The following KIAA1671 variants were observed in gnomAD, a reference collection of about 807,000 sequenced individuals.
KIAA1671 encodes the protein KIAA1671.
A neutral mutation model predicts 131.2 loss-of-function variants in KIAA1671; 52 were observed. The ratio of observed to expected loss-of-function variants is 0.40; its 90% confidence interval spans 0.32 to 0.50. KIAA1671 has a LOEUF of 0.50. KIAA1671 is among the 20% of genes least tolerant of loss of function. The pLI is 0.73. For missense variants in KIAA1671, 2,360 were observed against 2,364.2 expected (o/e 1.00, Z 0.04); for synonymous variants, 1,003 against 961.6 (o/e 1.04, Z -0.80).
intron 6 of KIAA1671, among the ~76,000 whole-genome samples, chr22:25,165,602 CAATTT>C (rs1933618284): frequency 6.6e-6 from 1 of 152,118 alleles, no homozygotes. Context: ...TAGTTAATGT[CAATTT>C]AAATTAAATT....
chr22:25,124,691 T>A (rs922977627), intron 6 of KIAA1671, among the ~76,000 whole-genome samples: 1 of 152,336 alleles, frequency 6.6e-6, no homozygotes, highest in South Asian at 2.1e-4. Context: ...ACAACCTTGA[T>A]ACATTAGTCA....
chr22:25,107,618 G>A (rs1416607278), intron 6 of KIAA1671, among the ~76,000 whole-genome samples: 1 of 151,686 alleles, frequency 6.6e-6, no homozygotes, highest in African/African-American at 2.4e-5. Context: ...GGACTACAGG[G>A]TTCAAACAAT....
At chr22:25,042,183 C>T (rs969166166) in intron 5 of KIAA1671, among the ~76,000 whole-genome samples, 1 of 152,188 alleles carries the variant, frequency 6.6e-6, no homozygotes, top group Non-Finnish European at 1.5e-5. Flanking sequence ...TGCTGTTCAG[C>T]CCAAACAAGA....
chr22:24,975,983 C>A (rs1367011591), intron 1 of KIAA1671, among the ~76,000 whole-genome samples: 2 of 152,252 alleles, frequency 1.3e-5, no homozygotes, highest in Non-Finnish European at 2.9e-5. Context: ...GCGTGGGCTT[C>A]CCGTGTGGCT....
At chr22:25,012,714 A>G (rs1925103675) in intron 1 of KIAA1671, 1 of 152,220 alleles carries the variant, frequency 6.6e-6, no homozygotes, top group South Asian at 2.1e-4. Context: ...ATCAGCTGCT[A>G]CTACAACAGC....
chr22:25,161,280 T>C lies in KIAA1671; in HGVS notation c.4531-9540T>C, dbSNP rs1179796770. Among the ~76,000 whole-genome samples the C allele has an allele frequency of 3.9e-5, 6 of 152,338 alleles. No homozygotes were observed. The East Asian group carries it at 9.7e-4, about 25-fold the overall frequency. On this transcript the variant is annotated intron_variant, in intron 6 of 12. Coordinates refer to ENST00000358431, the MANE Select transcript of KIAA1671 (RefSeq NM_001145206.2). ...GGAGGGACACACATTCAACGAGTCA[T>C]ACAAATAGTTTCAGTACCACCAACT...
At chr22:24,998,983 A>C (rs1284742989) in intron 1 of KIAA1671, among the ~76,000 whole-genome samples, 1 of 152,086 alleles carries the variant, frequency 6.6e-6, no homozygotes, top group Non-Finnish European at 1.5e-5. Context: ...TTCATATATA[A>C]ATTTTTCATG....
chr22:25,049,279 G>A lies in KIAA1671; in HGVS notation c.4445G>A (p.Arg1482Gln), dbSNP rs1007472849. The change falls in exon 6 of 13, where the codon CGA becomes CAA. Residue 1482 changes from arginine (R) to glutamine (Q), a missense_variant. Physicochemically the swap from Arg to Gln is conservative, Grantham distance 43 (BLOSUM62 1). Transcript: ENST00000358431. ...GAGGATGCCCCCCAGGAGAAGGAGC[G>A]ACCGCTCCAGCAGGTGTCCCCTGTG... The part of the protein sequence containing the change: ...EKEDAPQEKE[R>Q]PLQQVSPVAS... 4.5e-6 allele frequency: 7 copies of A among 1,551,798 alleles called. No individual in the cohort carries two copies. The highest frequency in any genetic ancestry group is 2.4e-5 in the East Asian group (1 of 40,926).
intron 1 of KIAA1671, among the ~76,000 whole-genome samples, chr22:24,982,743 G>A (rs1462317613): frequency 6.6e-6 from 1 of 152,228 alleles, no homozygotes; most frequent in Non-Finnish European, 1.5e-5. Context: ...CAAGGTCGTG[G>A]TGTTGGCTGG....
chr22:25,150,441 T>C (rs1932995841), intron 6 of KIAA1671, among the ~76,000 whole-genome samples: 1 of 152,154 alleles, frequency 6.6e-6, no homozygotes, highest in Non-Finnish European at 1.5e-5. Flanking sequence ...TCTGAGCCCT[T>C]TCCCTGTGCT....
chr22:25,136,304 T>C (rs1324695512), intron 6 of KIAA1671, among the ~76,000 whole-genome samples: 1 of 152,200 alleles, frequency 6.6e-6, no homozygotes, highest in Non-Finnish European at 1.5e-5. Context: ...GCTTTTCAGA[T>C]GAAGAAATCA....
At chr22:25,110,983 G>C (rs926917720) in intron 6 of KIAA1671, 2 of 152,460 alleles carry the variant, frequency 1.3e-5, no homozygotes, top group Non-Finnish European at 2.9e-5. Context: ...CTTCCAGAGA[G>C]GGAGGGAGAG....
chr22:25,164,982 T>C (rs1601373838), intron 6 of KIAA1671, among the ~76,000 whole-genome samples: 1 of 87,408 alleles, frequency 1.1e-5, no homozygotes, highest in Admixed American at 1.0e-4. Context: ...TGCAGGCGTG[T>C]GTGTGTGTGT....
chr22:25,011,502 G>T (rs2123877030), intron 1 of KIAA1671: 1 of 152,044 alleles, frequency 6.6e-6, no homozygotes, highest in East Asian at 1.9e-4. Context: ...GACCAGGTTG[G>T]TCTGGAAACC....
chr22:25,143,552 C>T (rs1047190921), intron 6 of KIAA1671, among the ~76,000 whole-genome samples: 2 of 152,292 alleles, frequency 1.3e-5, no homozygotes, highest in Non-Finnish European at 1.5e-5. Flanking sequence ...TTGTCATGGG[C>T]TGTGAAATGT....
At chr22:25,006,188 T>C (rs970121747) in intron 1 of KIAA1671, among the ~76,000 whole-genome samples, 1 of 152,024 alleles carries the variant, frequency 6.6e-6, no homozygotes, top group Non-Finnish European at 1.5e-5. Flanking sequence ...CCCGCCACCA[T>C]GCCTGGCTAG....
intron 7 of KIAA1671, 139 bp from the exon 8 acceptor site, chr22:25,174,101 T>C (rs748457113): frequency 1.3e-4 from 124 of 951,794 alleles, no homozygotes; most frequent in Admixed American, 2.3e-4. Context: ...GAGGGTCTTC[T>C]GCTGGGATGT....
chr22:24,956,798 C>A (rs545847891), intron 1 of KIAA1671, among the ~76,000 whole-genome samples: 1 of 147,152 alleles, frequency 6.8e-6, no homozygotes, highest in Non-Finnish European at 1.5e-5. Flanking sequence ...CGTGAACTGG[C>A]GAGGCGGAGC....
chr22:25,117,141 C>T (rs1476326195), intron 6 of KIAA1671, among the ~76,000 whole-genome samples: 2 of 152,160 alleles, frequency 1.3e-5, no homozygotes, highest in Non-Finnish European at 2.9e-5. Context: ...ATGCCCCCTC[C>T]CAGCCCCCAT....
Sources: gnomAD v4.1 joint callset for allele counts (sites outside exome capture counted in the v4.1 genomes callset) on GRCh38, gnomAD v4.1.1 for gene constraint, MANE v1.5 for transcripts, NCBI Gene and HGNC (gene_info 2026-07-23, HGNC 2026-07-21) for gene names.